Variants in TMEM126A observed in about 807,000 individuals in gnomAD.
TMEM126A encodes the protein transmembrane protein 126A.
In TMEM126A, 10 loss-of-function variants were observed where a neutral mutation model predicts 18.3. That is an observed-to-expected ratio of 0.55 (90% CI 0.34 to 0.93). TMEM126A has a LOEUF of 0.93. Ranked by LOEUF, TMEM126A falls within the 40% of genes least tolerant of loss-of-function variation. The pLI is 0.02. For synonymous variants in TMEM126A, 68 were observed against 78.1 expected (o/e 0.87, Z 0.68); for missense variants, 246 against 230.2 (o/e 1.07, Z -0.44).
At chr11:85,652,845 C>T (rs1371128432) in intron 2 of TMEM126A, among the ~76,000 whole-genome samples, 1 of 151,098 alleles carries the variant, frequency 6.6e-6, no homozygotes, top group Non-Finnish European at 1.5e-5. Context: ...AAATTGTTTA[C>T]CTGAGCATTG....
chr11:85,649,319 C>CAGA (rs2082482967), intron 1 of TMEM126A, among the ~76,000 whole-genome samples: 2 of 152,206 alleles, frequency 1.3e-5, no homozygotes, highest in African/African-American at 4.8e-5. Context: ...CTAACTAGTG[C>CAGA]AGACATCAAC....
intron 1 of TMEM126A, among the ~76,000 whole-genome samples, chr11:85,648,557 T>A (rs559308380): frequency 6.6e-6 from 1 of 152,240 alleles, no homozygotes; most frequent in Non-Finnish European, 1.5e-5. Context: ...TCAGCACTTA[T>A]ACTGAATTGA....
chr11:85,654,266 A>C lies in TMEM126A; in HGVS notation c.280+10A>C. 5 of 1,613,330 alleles carry C rather than the reference A, an allele frequency of 3.1e-6. No homozygotes were observed. The highest frequency in any genetic ancestry group is 4.2e-6 in the Non-Finnish European group (5 of 1,179,520). On this transcript the variant is annotated intron_variant, in intron 3 of 4. Transcript: ENST00000304511. ...TTTCCTTTGAATACAGGTAAATTCT[A>C]CTTCACTATCACCAAAGAGTTTGCC...
At chr11:85,651,935 G>A (rs1313968272) in intron 2 of TMEM126A, among the ~76,000 whole-genome samples, 4 of 152,148 alleles carry the variant, frequency 2.6e-5, no homozygotes, top group African/African-American at 4.8e-5. Flanking sequence ...AGGCGGAGGC[G>A]GGCTGGTCAC....
Position 85,654,052 on chromosome 11 carries a change from C to T in TMEM126A, c.87-11C>T, listed in dbSNP as rs770541475. On this transcript the variant is annotated splice_polypyrimidine_tract_variant and intron_variant, in intron 2 of 4. Transcript: ENST00000304511. ...ATGCCAAAGAAAAGTTCTTTCTTCT[C>T]ACCCTTTCAGGAATCTACTTGAAAA... The T allele has an allele frequency of 1.2e-6, 2 of 1,614,132 alleles. No individual in the cohort carries two copies. The highest frequency in any genetic ancestry group is 8.5e-7 in the Non-Finnish European group (1 of 1,179,986).
chr11:85,656,172 G>A (rs1335931698), intron 4 of TMEM126A, 137 bp from the exon 5 acceptor site: 1 of 791,028 alleles, frequency 1.3e-6, no homozygotes, highest in Admixed American at 2.6e-5. Flanking sequence ...AAGTTTTTAG[G>A]ATTAATAGAC....
intron 2 of TMEM126A, 86 bp downstream of exon 2, chr11:85,650,427 T>C (rs533806712): frequency 2.0e-6 from 2 of 1,022,304 alleles, no homozygotes; most frequent in Non-Finnish European, 3.0e-6. Flanking sequence ...CTGGTTTGAG[T>C]ATAAACAACA....
At chr11:85,654,430 T>G (rs1304908212) in intron 3 of TMEM126A, among the ~76,000 whole-genome samples, 174 bp downstream of exon 3, 1 of 152,224 alleles carries the variant, frequency 6.6e-6, no homozygotes, top group Admixed American at 6.5e-5. Flanking sequence ...CCAACCAAGA[T>G]GCACATACAC....
At position 85,647,996 on chromosome 11, in the gene TMEM126A, C is replaced by A. The variant is rs1264955960; in HGVS notation, c.-101C>A. ...CGCGTCACGAGTCAGCCAAAGATGG[C>A]TGCGCCCAGGTAATTTGAGCAAAGG... On this transcript the variant is annotated 5_prime_UTR_variant, in exon 1 of 5. The change creates a new upstream start codon in the 5' untranslated region. Coordinates refer to ENST00000304511, the MANE Select transcript of TMEM126A (RefSeq NM_032273.4). The A allele has an allele frequency of 6.6e-6, 1 of 152,410 alleles. No homozygotes were observed. The allele number at this position is 152,410 out of a possible 1,614,324, so 9.4% of individuals were successfully genotyped here.
intron 2 of TMEM126A, among the ~76,000 whole-genome samples, chr11:85,652,400 GATT>G (rs1172807133): frequency 6.6e-6 from 1 of 151,900 alleles, no homozygotes; most frequent in Non-Finnish European, 1.5e-5. Flanking sequence ...TTTCTTCTTG[GATT>G]ATTAATCAGG....
intron 3 of TMEM126A, among the ~76,000 whole-genome samples, chr11:85,655,205 G>A (rs1046723465): frequency 3.9e-5 from 6 of 152,098 alleles, no homozygotes; most frequent in African/African-American, 1.4e-4. Flanking sequence ...CGAGTATTTT[G>A]TTTTAATTCC....
chr11:85,648,916 TTTG>T lies in TMEM126A; in HGVS notation c.-8+833_-8+835del, dbSNP rs576444833. On this transcript the variant is annotated intron_variant, in intron 1 of 4. Transcript: ENST00000304511. Reference sequence around the variant, plus strand: ...CTGGTTTCATAAAAGCATGTTTTCCTTTGTTGTTATCCCTGAACTGTTTTTTTT... The same window carrying T: ...CTGGTTTCATAAAAGCATGTTTTCCTTTGTTATCCCTGAACTGTTTTTTTT... Among the ~76,000 whole-genome samples, 514 of 152,090 alleles carry T rather than the reference TTTG, an allele frequency of 3.4e-3. 4 individuals carry two copies. The highest frequency in any genetic ancestry group is 0.012 in the African/African-American group (493 of 41,452).
intron 2 of TMEM126A, among the ~76,000 whole-genome samples, chr11:85,652,071 C>T (rs931841905): frequency 2.0e-5 from 3 of 152,100 alleles, no homozygotes; most frequent in South Asian, 2.1e-4. Flanking sequence ...AGCTGAGGCA[C>T]GAGAATTGTT....
chr11:85,652,142 C>T (rs768832385), intron 2 of TMEM126A, among the ~76,000 whole-genome samples: 3 of 152,140 alleles, frequency 2.0e-5, no homozygotes, highest in South Asian at 2.1e-4. Context: ...CCAGCCTGGG[C>T]GACAGAGCAA....
chr11:85,652,132 C>T (rs894228721), intron 2 of TMEM126A, among the ~76,000 whole-genome samples: 1 of 152,210 alleles, frequency 6.6e-6, no homozygotes, highest in Non-Finnish European at 1.5e-5. Context: ...CCACTGCACT[C>T]CAGCCTGGGC....
intron 2 of TMEM126A, 95 bp downstream of exon 2, chr11:85,650,436 C>T: frequency 1.0e-6 from 1 of 960,314 alleles, no homozygotes; most frequent in Non-Finnish European, 1.6e-6. Flanking sequence ...GTATAAACAA[C>T]ATGGAATGTG....
intron 2 of TMEM126A, among the ~76,000 whole-genome samples, chr11:85,652,212 T>C (rs777483524): frequency 2.0e-5 from 3 of 152,220 alleles, no homozygotes; most frequent in Non-Finnish European, 4.4e-5. Context: ...AGTCTGTCAC[T>C]GGGTTCTTTA....
In TMEM126A at chr11:85,653,928, A is replaced by T. The variant is rs565866169; in HGVS notation, c.87-135A>T. 5.8e-6 allele frequency: 6 copies of T among 1,027,180 alleles called. No homozygotes were observed. In the African/African-American group the frequency reaches 8.0e-5, roughly 14 times the overall value. The allele number at this position is 1,027,180 out of a possible 1,614,324, so 63.6% of individuals were successfully genotyped here. A position where few individuals can be genotyped will look rare whatever the true frequency, so the allele number is the denominator to read the frequency against. On this transcript the variant is annotated intron_variant, in intron 2 of 4. Coordinates refer to ENST00000304511, the MANE Select transcript of TMEM126A (RefSeq NM_032273.4). Reference sequence around the variant, plus strand: ...AAAACCTATATATAAAGCAATTTTTAAGATTTTGGTTCTATAAGGGATAGA... The same window carrying T: ...AAAACCTATATATAAAGCAATTTTTTAGATTTTGGTTCTATAAGGGATAGA...
Position 85,650,317 on chromosome 11 carries a change from T to G in TMEM126A, c.62T>G (p.Ile21Ser), listed in dbSNP as rs201584707. 15 of 1,607,808 alleles carry G rather than the reference T, an allele frequency of 9.3e-6. No individual in the cohort carries two copies. The East Asian group carries it at 1.3e-4, about 14-fold the overall frequency. ...NITIVDISRKINQLPEAERNL... is the reference protein window; with the variant it reads ...NITIVDISRKSNQLPEAERNL... ...ACAATTGTTGATATATCCAGAAAAATTAACCAGCTTCCAGAAGCAGAAAGG... is the reference window on the plus strand; with the variant it reads ...ACAATTGTTGATATATCCAGAAAAAGTAACCAGCTTCCAGAAGCAGAAAGG... The change falls in exon 2 of 5, where the codon ATT (isoleucine) becomes AGT (serine). Residue 21 changes from isoleucine to serine, a missense_variant. Coordinates refer to ENST00000304511, the MANE Select transcript of TMEM126A (RefSeq NM_032273.4).
Sources: allele counts gnomAD v4.1 joint callset (sites outside exome capture counted in the v4.1 genomes callset), GRCh38; gene constraint gnomAD v4.1.1; transcripts MANE v1.5; gene names NCBI Gene and HGNC (gene_info 2026-07-23, HGNC 2026-07-21).